The following PHTF2 variants were observed in gnomAD, a reference collection of about 807,000 sequenced individuals.
PHTF2 encodes putative homeodomain transcription factor 2, also known as protein PHTF2.
A neutral mutation model predicts 101.2 loss-of-function variants in PHTF2; 60 were observed. That is an observed-to-expected ratio of 0.59 (90% CI 0.48 to 0.73). PHTF2 has a LOEUF of 0.73. Ranked by LOEUF, PHTF2 falls within the 30% of genes least tolerant of loss-of-function variation. The pLI is 0.00. For synonymous variants in PHTF2, 311 were observed against 307.3 expected (o/e 1.01, Z -0.13); for missense variants, 747 against 908.7 (o/e 0.82, Z 2.29).
At chr7:77,955,230 T>G (rs1162205329) in exon 20 of PHTF2, 4 of 160,752 alleles carry the variant, frequency 2.5e-5, no homozygotes, top group Non-Finnish European at 5.4e-5. Context: ...ATCAATGCCG[T>G]GAACTTGCCT....
At chr7:77,947,391 A>G (rs565955789) in intron 16 of PHTF2, among the ~76,000 whole-genome samples, 135 of 151,772 alleles carry the variant, frequency 8.9e-4, no homozygotes, top group African/African-American at 3.1e-3. Context: ...GCAAAACCCT[A>G]TCTCTACTGA....
chr7:77,943,893 C>A (rs1584784230), intron 16 of PHTF2, among the ~76,000 whole-genome samples: 1 of 152,158 alleles, frequency 6.6e-6, no homozygotes, highest in East Asian at 1.9e-4. Flanking sequence ...TGGTAGGCGC[C>A]TGTAATCCCA....
At chr7:77,924,580 GTATT>G (rs903814443) in intron 11 of PHTF2, among the ~76,000 whole-genome samples, 3 of 152,172 alleles carry the variant, frequency 2.0e-5, no homozygotes, top group African/African-American at 7.2e-5. Flanking sequence ...CTTGATAAAA[GTATT>G]CCAATGATAA....
intron 1 of PHTF2, among the ~76,000 whole-genome samples, chr7:77,822,944 G>A (rs1481723639): frequency 7.6e-6 from 1 of 131,242 alleles, no homozygotes; most frequent in Non-Finnish European, 1.6e-5. Context: ...TCGCTCTGTC[G>A]CCCAGGCTGG....
In PHTF2 at chr7:77,882,904, C is replaced by T. The variant is rs117118888; in HGVS notation, c.148-10704C>T. Among the ~76,000 whole-genome samples the T allele has an allele frequency of 4.1e-3, 617 of 152,166 alleles. 1 individual carries two copies. The highest frequency in any genetic ancestry group is 7.4e-3 in the Non-Finnish European group (504 of 67,964). ...TCATTAAAGTCACCTGAGTATCTGA[C>T]TTATACAAACTTCTTTAGAGGTGTG... On this transcript the variant is annotated intron_variant, in intron 3 of 19. Transcript: ENST00000416283.
At chr7:77,863,667 T>A (rs80081871) in intron 3 of PHTF2, among the ~76,000 whole-genome samples, 1 of 152,038 alleles carries the variant, frequency 6.6e-6, no homozygotes, top group East Asian at 1.9e-4. Context: ...TTTTTTTTTT[T>A]AACCAAGACT....
rs374547118 is a variant in PHTF2 at position 77,910,401 on chromosome 7, T to C, written c.768T>C (p.Phe256=). ...GAGATCTCTGGCATGCTGCTTTCTT[T>C]TTATCAGGGTTTGTATTTATTTAAG... Residue 256 remains phenylalanine, a synonymous_variant, in exon 9 of 20, where the codon TTT becomes TTC. Transcript: ENST00000416283. The C allele has an allele frequency of 4.8e-5, 77 of 1,611,640 alleles. No homozygotes were observed. The East Asian group carries it at 8.2e-4, about 17-fold the overall frequency.
chr7:77,853,803 ATTG>A (rs1796957973), intron 2 of PHTF2, among the ~76,000 whole-genome samples: 1 of 151,768 alleles, frequency 6.6e-6, no homozygotes, highest in African/African-American at 2.4e-5. Context: ...TTTCAATCTT[ATTG>A]TTAAATTTTT....
intron 3 of PHTF2, among the ~76,000 whole-genome samples, chr7:77,864,044 T>G (rs1797864168): frequency 1.3e-5 from 2 of 152,154 alleles, no homozygotes; most frequent in South Asian, 4.1e-4. Context: ...CCTCCTAGAG[T>G]GTTGGGATTA....
chr7:77,833,955 G>A (rs773611990), intron 1 of PHTF2, among the ~76,000 whole-genome samples: 2 of 152,114 alleles, frequency 1.3e-5, no homozygotes, highest in Non-Finnish European at 2.9e-5. Context: ...AGAAACTTCT[G>A]TACATTATTG....
chr7:77,935,043 C>A (rs541831725), intron 12 of PHTF2, among the ~76,000 whole-genome samples: 4 of 151,648 alleles, frequency 2.6e-5, no homozygotes, highest in African/African-American at 9.7e-5. Context: ...TTCCCTGAAC[C>A]TTTTAAAAAA....
At chr7:77,863,554 T>G (rs2150682537) in intron 3 of PHTF2, among the ~76,000 whole-genome samples, 1 of 152,312 alleles carries the variant, frequency 6.6e-6, no homozygotes, top group East Asian at 1.9e-4. Flanking sequence ...CTATAGAGAT[T>G]GATTTTTAGG....
intron 2 of PHTF2, among the ~76,000 whole-genome samples, chr7:77,848,057 G>A (rs1278461954): frequency 6.6e-6 from 1 of 151,968 alleles, no homozygotes; most frequent in African/African-American, 2.4e-5. Context: ...TTCTTACGAC[G>A]GAATACTACT....
At chr7:77,806,048 G>C (rs1792949765) in intron 1 of PHTF2, among the ~76,000 whole-genome samples, 1 of 152,092 alleles carries the variant, frequency 6.6e-6, no homozygotes, top group Non-Finnish European at 1.5e-5. Flanking sequence ...GGTGGTGCGT[G>C]CCTGTAGTCC....
chr7:77,940,096 T>C, exon 14 of PHTF2: 3 of 1,613,650 alleles, frequency 1.9e-6, no homozygotes, highest in Non-Finnish European at 2.5e-6. Flanking sequence ...CATACTGGGT[T>C]TAACTCCATT....
intron 5 of PHTF2, among the ~76,000 whole-genome samples, chr7:77,895,630 A>G (rs1376735482): frequency 6.6e-6 from 1 of 152,076 alleles, no homozygotes; most frequent in Non-Finnish European, 1.5e-5. Context: ...GAAGCTATTC[A>G]CAAATTACTA....
exon 20 of PHTF2, chr7:77,955,606 T>C (rs78846795): frequency 6.6e-6 from 1 of 152,618 alleles, no homozygotes; most frequent in South Asian, 2.1e-4. Context: ...TTTTTAAAAT[T>C]GTTACTTTTA....
chr7:77,936,398 C>T (rs1805131356), intron 12 of PHTF2, among the ~76,000 whole-genome samples: 1 of 151,996 alleles, frequency 6.6e-6, no homozygotes, highest in Non-Finnish European at 1.5e-5. Context: ...GGGAAGTGGC[C>T]AGACACCGTG....
At chr7:77,924,984 G>A (rs779732705) in intron 11 of PHTF2, among the ~76,000 whole-genome samples, 6 of 152,082 alleles carry the variant, frequency 3.9e-5, no homozygotes, top group Non-Finnish European at 8.8e-5. Flanking sequence ...AGGCGTCCTA[G>A]GGAACTGACA....
Sources: allele counts gnomAD v4.1 joint callset (sites outside exome capture counted in the v4.1 genomes callset), GRCh38; gene constraint gnomAD v4.1.1; transcripts MANE v1.5; gene names NCBI Gene and HGNC (gene_info 2026-07-23, HGNC 2026-07-21).